Variants in IPO11 observed in about 807,000 individuals in gnomAD.
IPO11 encodes importin 11.
IPO11 carries 66 observed loss-of-function variants against 143.2 expected under a neutral mutation model. The ratio of observed to expected loss-of-function variants is 0.46; its 90% CI spans 0.38 to 0.57. The LOEUF is 0.57. Among genes scored for constraint, IPO11 ranks in the 20% least tolerant of loss-of-function variants. The pLI is 0.00. For missense variants in IPO11, 1,026 were observed against 1,141.0 expected, an observed-to-expected ratio of 0.90 and a Z score of 1.45; for synonymous variants, 385 against 377.8, an observed-to-expected ratio of 1.02 and a Z score of -0.22.
intron 29 of IPO11, among the ~76,000 whole-genome samples, chr5:62,605,950 C>T (rs1580379891): frequency 6.6e-6 from 1 of 152,080 alleles, no homozygotes; most frequent in South Asian, 2.1e-4. Context: ...AGGCTGGTCT[C>T]GAACTCTTAG....
intron 27 of IPO11, chr5:62,580,900 CT>C: frequency 6.4e-7 from 1 of 1,551,372 alleles, no homozygotes; most frequent in Non-Finnish European, 8.7e-7. Context: ...GCAAATACAA[CT>C]TACTACTTCT....
chr5:62,514,196 C>T (rs901049731), intron 19 of IPO11, among the ~76,000 whole-genome samples: 11 of 152,032 alleles, frequency 7.2e-5, no homozygotes, highest in South Asian at 2.1e-4. Flanking sequence ...GGGTGGCGGC[C>T]GGGCAGGGGC....
intron 1 of IPO11, among the ~76,000 whole-genome samples, chr5:62,416,376 T>A (rs1054303260): frequency 2.4e-4 from 36 of 151,944 alleles, no homozygotes; most frequent in African/African-American, 8.7e-4. Context: ...AGAGACGGGT[T>A]TCACCATGTT....
chr5:62,444,526 T>C (rs944580743), intron 3 of IPO11, among the ~76,000 whole-genome samples: 2 of 152,210 alleles, frequency 1.3e-5, no homozygotes, highest in African/African-American at 4.8e-5. Flanking sequence ...AATTGAATTT[T>C]ACGTGTCTGC....
intron 27 of IPO11, among the ~76,000 whole-genome samples, chr5:62,584,612 CAAAAAAAAA>C (rs56062359): frequency 3.9e-4 from 23 of 58,634 alleles, no homozygotes; most frequent in Admixed American, 1.0e-3. Flanking sequence ...AACTGTGCCT[CAAAAAAAAA>C]AAAAAAAAAA....
At chr5:62,435,110 G>GTATATATATGTATATATGTA (rs1313698232) in intron 1 of IPO11, among the ~76,000 whole-genome samples, 1 of 65,438 alleles carries the variant, frequency 1.5e-5, no homozygotes, top group African/African-American at 5.9e-5. Flanking sequence ...GTATATATAT[G>GTATATATATGTATATATGTA]TATATATGTA....
chr5:62,628,151 C>G lies in IPO11; in HGVS notation c.*833C>G, dbSNP rs1460190610. The G allele has an allele frequency of 6.6e-6, 1 of 151,978 alleles. No individual in the cohort carries two copies. Among genetic ancestry groups the G allele is most frequent in the Non-Finnish European group, 1.5e-5 (1 of 67,994 alleles). The allele number at this position is 151,978 out of a possible 1,614,324, so 9.4% of individuals were successfully genotyped here. On this transcript the variant is annotated 3_prime_UTR_variant, in exon 30 of 30. Transcript: ENST00000325324. ...GACAGTCCCACGTGGCTATGACAGA[C>G]TGTTTAGTACTTACCCTTCTCAGGT...
At chr5:62,625,696 A>C (rs1317737076) in intron 29 of IPO11, among the ~76,000 whole-genome samples, 1 of 152,256 alleles carries the variant, frequency 6.6e-6, no homozygotes, top group Non-Finnish European at 1.5e-5. Context: ...CTTGAGAAAA[A>C]CTAACCTTGA....
At chr5:62,530,257 A>C (rs182023444) in intron 21 of IPO11, among the ~76,000 whole-genome samples, 2 of 152,226 alleles carry the variant, frequency 1.3e-5, no homozygotes, top group Admixed American at 1.3e-4. Context: ...TCAACAGGGG[A>C]TTGGTTCCAG....
At chr5:62,602,410 A>G (rs1214518770) in intron 29 of IPO11, among the ~76,000 whole-genome samples, 1 of 152,198 alleles carries the variant, frequency 6.6e-6, no homozygotes, top group Non-Finnish European at 1.5e-5. Context: ...TTTTACCATA[A>G]ATAGAAAATA....
intron 13 of IPO11, 98 bp downstream of exon 13, chr5:62,487,959 G>T: frequency 1.0e-6 from 1 of 972,634 alleles, no homozygotes. Flanking sequence ...TGTTTCCTGG[G>T]TCATATAATA....
chr5:62,421,897 A>G (rs979232165), intron 1 of IPO11, among the ~76,000 whole-genome samples: 1 of 152,234 alleles, frequency 6.6e-6, no homozygotes, highest in Non-Finnish European at 1.5e-5. Flanking sequence ...ACAGCTTTAT[A>G]GACAGTGATG....
intron 24 of IPO11, among the ~76,000 whole-genome samples, chr5:62,550,144 A>G (rs1178073978): frequency 6.6e-6 from 1 of 152,232 alleles, no homozygotes; most frequent in Non-Finnish European, 1.5e-5. Context: ...TGCAAGATAT[A>G]TAGCTGTGTG....
chr5:62,440,349 CTTT>C (rs747340732), intron 2 of IPO11, among the ~76,000 whole-genome samples: 9 of 132,126 alleles, frequency 6.8e-5, no homozygotes, highest in Admixed American at 8.0e-5. Flanking sequence ...TGTACGTCCC[CTTT>C]TTTTTTTTTT....
chr5:62,436,922 C>T (rs567846507), intron 1 of IPO11, among the ~76,000 whole-genome samples: 1 of 152,112 alleles, frequency 6.6e-6, no homozygotes, highest in African/African-American at 2.4e-5. Flanking sequence ...CTTTTTAAAA[C>T]GAAGACAGAA....
At chr5:62,443,510 C>T (rs557987577) in intron 3 of IPO11, among the ~76,000 whole-genome samples, 1 of 151,322 alleles carries the variant, frequency 6.6e-6, no homozygotes, top group East Asian at 1.9e-4. Context: ...CTGTTTTAGT[C>T]GTACCCACTT....
intron 1 of IPO11, among the ~76,000 whole-genome samples, chr5:62,422,180 G>T (rs184188151): frequency 6.6e-6 from 1 of 152,054 alleles, no homozygotes; most frequent in Non-Finnish European, 1.5e-5. Flanking sequence ...AGGCTGGAGT[G>T]CAGTGACACC....
chr5:62,561,059 C>T lies in IPO11; in HGVS notation c.2461-77C>T, dbSNP rs115678363. 1,374 of 1,304,766 alleles carry T rather than the reference C, an allele frequency of 1.1e-3. 19 individuals are homozygous for T. In the African/African-American group the frequency reaches 0.015, roughly 15 times the overall value. 80.8% of individuals were successfully genotyped at this position (1,304,766 alleles called of 1,614,324 possible). Reference sequence around the variant, plus strand: ...TGAATTTTAACCATGACTTATGAGGCTTTAGCCTTTAAAAGTATTTACCCA... The same window carrying T: ...TGAATTTTAACCATGACTTATGAGGTTTTAGCCTTTAAAAGTATTTACCCA... On this transcript the variant is annotated intron_variant, in intron 26 of 29. Transcript: ENST00000325324.
Position 62,566,852 on chromosome 5 carries a change from A to G in IPO11, c.2582+5595A>G, listed in dbSNP as rs537445934. Among the ~76,000 whole-genome samples the G allele has an allele frequency of 4.9e-3, 747 of 151,736 alleles. 12 individuals carry two copies. Among genetic ancestry groups the G allele is most frequent in the Non-Finnish European group, 7.7e-3 (520 of 67,910 alleles). The stretch of plus-strand genomic sequence containing the variant: ...TGTAGTTTAAAAAGAATATATATAT[A>G]TGTGTGTGTATATATATTTTTTAGT... On this transcript the variant is annotated intron_variant, in intron 27 of 29. Transcript: ENST00000325324.
Sources: gnomAD v4.1 joint callset for allele counts (sites outside exome capture counted in the v4.1 genomes callset) on GRCh38, gnomAD v4.1.1 for gene constraint, MANE v1.5 for transcripts, NCBI Gene and HGNC (gene_info 2026-07-23, HGNC 2026-07-21) for gene names.